Variants in CERT1 observed in about 807,000 individuals in gnomAD.
CERT1 encodes ceramide transfer protein.
CERT1 carries 31 observed loss-of-function variants against 87.9 expected under a neutral mutation model. That is an observed-to-expected ratio of 0.35 (90% CI 0.27 to 0.48). The LOEUF (loss-of-function observed/expected upper bound fraction) is 0.48. CERT1 is among the 20% of genes least tolerant of loss of function. The probability of loss-of-function intolerance (pLI) is 0.99; values close to 1 mark genes in which losing one functional copy is unlikely to be tolerated. For missense variants in CERT1, 487 were observed against 758.0 expected, an observed-to-expected ratio of 0.64 and a Z score of 4.20; for synonymous variants, 289 against 250.9, an observed-to-expected ratio of 1.15 and a Z score of -1.44.
chr5:75,413,305 A>G (rs745666799), intron 7 of CERT1, among the ~76,000 whole-genome samples: 1 of 152,208 alleles, frequency 6.6e-6, no homozygotes, highest in Non-Finnish European at 1.5e-5. Context: ...TAAAGTCTAA[A>G]CTGAACTCAC....
intron 3 of CERT1, among the ~76,000 whole-genome samples, chr5:75,449,556 T>G (rs749227172): frequency 5.9e-5 from 9 of 152,226 alleles, no homozygotes; most frequent in Non-Finnish European, 1.0e-4. Flanking sequence ...CTTCAAATTT[T>G]CAATATGCAT....
Position 75,459,077 on chromosome 5 carries a change from A to G in CERT1, c.336T>C (p.Ile112=), listed in dbSNP as rs1580800461. The G allele has an allele frequency of 1.3e-6, 2 of 1,598,768 alleles. No homozygotes were observed. The highest frequency in any genetic ancestry group is 1.7e-6 in the Non-Finnish European group (2 of 1,166,048). The change falls in exon 3 of 17, where the codon ATT becomes ATC. Residue 112 remains isoleucine, a synonymous_variant. Coordinates refer to ENST00000643780, the MANE Select transcript of CERT1 (RefSeq NM_001379029.1). ...TTAGGGATCTTACCTTGTGCTGTTC[A>G]ATGGCATCTATCCATTGCTGTCTAT... ...PDHRQQWIDA[I]EQHKTESGYG... is the part of the protein sequence containing the mutation.
intron 2 of CERT1, among the ~76,000 whole-genome samples, chr5:75,488,802 G>T (rs1043093198): frequency 2.0e-5 from 3 of 151,986 alleles, no homozygotes; most frequent in African/African-American, 7.2e-5. Flanking sequence ...TATCATTCTG[G>T]GTTAATTTTC....
At chr5:75,434,400 T>C (rs1234017435) in intron 3 of CERT1, among the ~76,000 whole-genome samples, 1 of 152,158 alleles carries the variant, frequency 6.6e-6, no homozygotes, top group African/African-American at 2.4e-5. Flanking sequence ...AATTTGCTAA[T>C]ATTTTGCTGA....
chr5:75,380,777 C>CAAAAA (rs35083616), intron 16 of CERT1, among the ~76,000 whole-genome samples: 36 of 53,118 alleles, frequency 6.8e-4, no homozygotes, highest in Non-Finnish European at 9.1e-4. Flanking sequence ...GACTCCATCT[C>CAAAAA]AAAAAAAAAA....
intron 5 of CERT1, among the ~76,000 whole-genome samples, chr5:75,420,756 A>G (rs749683812): frequency 6.6e-6 from 1 of 152,144 alleles, no homozygotes; most frequent in Non-Finnish European, 1.5e-5. Flanking sequence ...CATTCCACTC[A>G]TAATGCAAAT....
chr5:75,380,822 G>C (rs1324317229), intron 16 of CERT1, among the ~76,000 whole-genome samples: 1 of 149,900 alleles, frequency 6.7e-6, no homozygotes, highest in East Asian at 2.0e-4. Context: ...CAGTGACCTA[G>C]GGATAAAGTT....
At position 75,511,437 on chromosome 5, in the gene CERT1, C is replaced by A; in HGVS notation, c.-230G>T. The A allele has an allele frequency of 6.5e-7, 1 of 1,536,874 alleles. No homozygotes were observed. The highest frequency in any genetic ancestry group is 8.8e-7 in the Non-Finnish European group (1 of 1,140,930). Reference sequence around the variant, plus strand: ...CGGTGAAGGAAGCCTACCCTTCCAGCCGTCAGCCGCCGCCGCCGTCGCCGT... The same window carrying A: ...CGGTGAAGGAAGCCTACCCTTCCAGACGTCAGCCGCCGCCGCCGTCGCCGT... On this transcript the variant is annotated 5_prime_UTR_variant, in exon 1 of 17. Transcript: ENST00000643780.
chr5:75,389,166 G>A (rs1761930415), intron 12 of CERT1, among the ~76,000 whole-genome samples: 1 of 151,992 alleles, frequency 6.6e-6, no homozygotes, highest in Non-Finnish European at 1.5e-5. Context: ...TCAAATAAAG[G>A]TGCAGTAAGA....
chr5:75,394,060 T>C (rs1762147064), intron 11 of CERT1, among the ~76,000 whole-genome samples: 1 of 152,142 alleles, frequency 6.6e-6, no homozygotes. Flanking sequence ...TAGTGCACTG[T>C]TAACCCAAAA....
chr5:75,447,472 T>TTATG (rs1764595877), intron 3 of CERT1, among the ~76,000 whole-genome samples: 1 of 151,270 alleles, frequency 6.6e-6, no homozygotes, highest in African/African-American at 2.4e-5. Flanking sequence ...ATTTATTTAT[T>TTATG]TATTTTTTAT....
intron 2 of CERT1, among the ~76,000 whole-genome samples, chr5:75,494,423 T>C (rs1399097032): frequency 1.3e-5 from 2 of 152,180 alleles, no homozygotes; most frequent in African/African-American, 2.4e-5. Flanking sequence ...AGTAGCTAGT[T>C]TGCTTGCTTC....
chr5:75,369,050 A>T (rs996959347), intron 17 of CERT1: 1 of 151,830 alleles, frequency 6.6e-6, no homozygotes, highest in Non-Finnish European at 1.5e-5. Flanking sequence ...GTAGCTGGGG[A>T]TTACAGGTGC....
intron 3 of CERT1, among the ~76,000 whole-genome samples, chr5:75,434,972 C>T (rs895796634): frequency 6.6e-6 from 1 of 152,114 alleles, no homozygotes; most frequent in Non-Finnish European, 1.5e-5. Flanking sequence ...TTACATGTCT[C>T]AGTTTCATTC....
At chr5:75,498,010 G>A (rs572720085) in intron 2 of CERT1, among the ~76,000 whole-genome samples, 49 of 152,302 alleles carry the variant, frequency 3.2e-4, no homozygotes, top group African/African-American at 1.2e-3. Context: ...TCCAGGGTGA[G>A]GTGGCCTCAG....
intron 3 of CERT1, among the ~76,000 whole-genome samples, chr5:75,439,415 T>C (rs1221672140): frequency 6.6e-6 from 1 of 152,052 alleles, no homozygotes; most frequent in African/African-American, 2.4e-5. Context: ...CTTCTTCTTT[T>C]TCCTAATAAC....
intron 4 of CERT1, among the ~76,000 whole-genome samples, chr5:75,425,805 A>G (rs1279961216): frequency 6.6e-6 from 1 of 152,236 alleles, no homozygotes; most frequent in African/African-American, 2.4e-5. Context: ...AACATTTGGT[A>G]TTTTCAAATT....
intron 2 of CERT1, among the ~76,000 whole-genome samples, chr5:75,473,297 A>G (rs1028997665): frequency 1.3e-5 from 2 of 152,066 alleles, no homozygotes. Flanking sequence ...ATGCTGCTCA[A>G]GCTGTCTTGA....
chr5:75,499,168 T>G (rs980698720), intron 2 of CERT1, among the ~76,000 whole-genome samples: 2 of 152,176 alleles, frequency 1.3e-5, no homozygotes, highest in Admixed American at 6.5e-5. Context: ...GGTTCACAGG[T>G]GGAGGGGACT....
Sources: allele counts gnomAD v4.1 joint callset (sites outside exome capture counted in the v4.1 genomes callset), GRCh38; gene constraint gnomAD v4.1.1; transcripts MANE v1.5; gene names NCBI Gene and HGNC (gene_info 2026-07-23, HGNC 2026-07-21).